SMPD4: variants seen among roughly 807,000 people sequenced by gnomAD.
SMPD4 encodes the protein sphingomyelin phosphodiesterase 4, also known as neutral sphingomyelinase 3.
A neutral mutation model predicts 97.8 loss-of-function variants in SMPD4; 58 were observed. The ratio of observed to expected loss-of-function variants is 0.59; its 90% CI spans 0.48 to 0.74. The LOEUF (loss-of-function observed/expected upper bound fraction) is 0.74. Among genes scored for constraint, SMPD4 ranks in the 30% least tolerant of loss-of-function variants. SMPD4 has a pLI of 0.00. For missense variants in SMPD4, 853 were observed against 1,080.5 expected (o/e 0.79, Z 2.95); for synonymous variants, 388 against 450.0 (o/e 0.86, Z 1.74).
intron 1 of SMPD4, among the ~76,000 whole-genome samples, chr2:130,179,450 T>TC (rs1307045472): frequency 6.6e-6 from 1 of 151,098 alleles, no homozygotes; most frequent in Non-Finnish European, 1.5e-5. Flanking sequence ...TGAGTCTCAC[T>TC]CCATCATCTC....
At chr2:130,159,182 CAG>C (rs1272080513) in intron 11 of SMPD4, among the ~76,000 whole-genome samples, 3 of 152,186 alleles carry the variant, frequency 2.0e-5, no homozygotes, top group East Asian at 3.9e-4. Flanking sequence ...TTTGTAGAGA[CAG>C]GGGTTTCGCC....
chr2:130,157,720 G>T (rs537449742), intron 11 of SMPD4: 1 of 379,904 alleles, frequency 2.6e-6, no homozygotes, highest in Non-Finnish European at 4.9e-6. Flanking sequence ...CTGCAAATCC[G>T]CAGCGGGTGG....
At position 130,152,777 on chromosome 2, in the gene SMPD4, A is replaced by G; in HGVS notation, c.2262T>C (p.Pro754=). 1 of 1,608,486 alleles carries G rather than the reference A, an allele frequency of 6.2e-7. No homozygotes were observed. Among genetic ancestry groups the G allele is most frequent in the Non-Finnish European group, 8.5e-7 (1 of 1,178,164 alleles). The part of the protein sequence containing the change: ...PGLASRHLLS[P]VGRRQVAGHT... ...GGCCGGCCACCTGCCTCCGCCCCAC[A>G]GGGCTCAGCAGGTGCCTGCTGGCCA... is the stretch of plus-strand genomic sequence containing the variant. The change falls in exon 20 of 20, where the codon CCT becomes CCC. Residue 754 remains proline, a synonymous_variant. Transcript: ENST00000680298.
At chr2:130,181,741 G>A, upstream of SMPD4, 1 of 1,548,628 alleles carries the variant, frequency 6.5e-7, no homozygotes, top group Non-Finnish European at 8.7e-7. Flanking sequence ...GAGTGCGGGG[G>A]AGGGAGTGGT....
In SMPD4 at chr2:130,153,075, G is replaced by A. The variant is rs762946445; in HGVS notation, c.2122C>T (p.Leu708Phe). ...TTGATGGCAGACGACAGCCTAAAGA[G>A]TGTGCGGACCAAGCTGGCGATCTCA... is the stretch of plus-strand genomic sequence containing the variant. ...SYEIASLVRT[L>F]FRLSSAINHR... Residue 708 changes from leucine to phenylalanine, a missense_variant, in exon 19 of 20, where the codon CTC (leucine) becomes TTC (phenylalanine). Physicochemically the swap from Leu to Phe is conservative, Grantham distance 22. This residue lies in a region of SMPD4 where 511 missense variants were observed against 608.1 expected (regional missense o/e 0.84). Coordinates refer to ENST00000680298, the MANE Select transcript of SMPD4 (RefSeq NM_017951.5). The A allele has an allele frequency of 3.1e-6, 5 of 1,613,022 alleles. No individual in the cohort carries two copies. Among genetic ancestry groups the A allele is most frequent in the Non-Finnish European group, 4.2e-6 (5 of 1,179,988 alleles).
chr2:130,154,083 A>G, intron 16 of SMPD4, 148 bp from the exon 17 acceptor site: 1 of 1,087,208 alleles, frequency 9.2e-7, no homozygotes, highest in Non-Finnish European at 1.3e-6. Context: ...ATGATCTTCT[A>G]CATTTGAAAT....
intron 5 of SMPD4, among the ~76,000 whole-genome samples, 188 bp from the exon 6 acceptor site, chr2:130,173,083 C>T (rs1215000503): frequency 6.6e-6 from 1 of 152,216 alleles, no homozygotes; most frequent in Non-Finnish European, 1.5e-5. Flanking sequence ...TAGAACTTCT[C>T]CTACCATCAT....
chr2:130,180,551 G>T (rs1477332338), intron 1 of SMPD4, among the ~76,000 whole-genome samples: 2 of 152,222 alleles, frequency 1.3e-5, no homozygotes, highest in East Asian at 3.9e-4. Flanking sequence ...GATTACAGGC[G>T]TGAGTCACCG....
chr2:130,172,905 G>A lies in SMPD4; in HGVS notation c.346-10C>T. The A allele has an allele frequency of 6.2e-7, 1 of 1,604,842 alleles. No individual in the cohort carries two copies. The highest frequency in any genetic ancestry group is 8.5e-7 in the Non-Finnish European group (1 of 1,175,706). On this transcript the variant is annotated splice_polypyrimidine_tract_variant and intron_variant, in intron 5 of 19. Coordinates refer to ENST00000680298, the MANE Select transcript of SMPD4 (RefSeq NM_017951.5). Reference sequence around the variant, plus strand: ...ACGCCTTCACAGGACCCTGCAGAGAGAGGCAGTGAGGCTTGTGGGCAGGTG... The same window carrying A: ...ACGCCTTCACAGGACCCTGCAGAGAAAGGCAGTGAGGCTTGTGGGCAGGTG...
chr2:130,161,068 G>A (rs1042318049), intron 11 of SMPD4, 118 bp downstream of exon 11: 4 of 956,308 alleles, frequency 4.2e-6, no homozygotes, highest in African/African-American at 3.3e-5. Context: ...CGACACAGGG[G>A]CTTCGTTCTG....
rs1055311360 is a variant in SMPD4, at chr2:130,177,675, G to T, written c.-45-1038C>A. Among the ~76,000 whole-genome samples, 39 of 150,364 alleles carry T rather than the reference G, an allele frequency of 2.6e-4. 1 individual carries two copies. The highest frequency in any genetic ancestry group is 4.6e-4 in the Non-Finnish European group (31 of 67,728). ...ACACCACTGCACTCCAGCCTAGAAG[G>T]CTGAGCAAGACTCCATCTCAAAAAA... On this transcript the variant is annotated intron_variant, in intron 1 of 19. Coordinates refer to ENST00000680298, the MANE Select transcript of SMPD4 (RefSeq NM_017951.5).
rs1689308162 is a variant in SMPD4 at position 130,179,650 on chromosome 2, T to A, written c.-46+1880A>T. Among the ~76,000 whole-genome samples the A allele has an allele frequency of 3.3e-5, 5 of 151,884 alleles. No individual in the cohort carries two copies. The South Asian group carries it at 1.0e-3, about 32-fold the overall frequency. ...GATCCGCTGCCTCAGCCTCCCAAAG[T>A]GCCGACTTTTTCAATTCTTTTTTGA... On this transcript the variant is annotated intron_variant, in intron 1 of 19. Transcript: ENST00000680298.
intron 16 of SMPD4, 99 bp from the exon 17 acceptor site, chr2:130,154,034 A>C (rs1165619080): frequency 1.2e-5 from 15 of 1,226,948 alleles, no homozygotes; most frequent in Non-Finnish European, 1.7e-5. Flanking sequence ...GAGCGTCAGG[A>C]GGAGTGGCTT....
At chr2:130,167,378 C>T (rs1240339552) in intron 9 of SMPD4, 80 bp downstream of exon 9, 11 of 1,596,184 alleles carry the variant, frequency 6.9e-6, no homozygotes, top group Non-Finnish European at 9.4e-6. Flanking sequence ...ACCTAGGCCT[C>T]GCAAAGTGCT....
chr2:130,158,494 T>C lies in SMPD4; in HGVS notation c.952-1098A>G, dbSNP rs143202629. On this transcript the variant is annotated intron_variant, in intron 11 of 19. Coordinates refer to ENST00000680298, the MANE Select transcript of SMPD4 (RefSeq NM_017951.5). ...ACCATGCCCAGCTAATTTTTATTTT[T>C]CATAGAGATGGGGTTTCACCATGTT... Among the ~76,000 whole-genome samples the C allele has an allele frequency of 6.2e-3, 941 of 152,232 alleles. 6 individuals carry two copies. The highest frequency in any genetic ancestry group is 0.02 in the African/African-American group (838 of 41,550).
intron 1 of SMPD4, chr2:130,181,290 A>T: frequency 7.2e-7 from 1 of 1,398,470 alleles, no homozygotes; most frequent in Non-Finnish European, 9.3e-7. Flanking sequence ...TTCAGCGAAC[A>T]CCTACCGGAC....
At chr2:130,165,607 C>T (rs1244610344) in intron 9 of SMPD4, among the ~76,000 whole-genome samples, 1 of 152,220 alleles carries the variant, frequency 6.6e-6, no homozygotes, top group African/African-American at 2.4e-5. Flanking sequence ...GCATGCTACT[C>T]ACACACAAAT....
intron 8 of SMPD4, among the ~76,000 whole-genome samples, chr2:130,168,193 C>A (rs1336449940): frequency 6.6e-6 from 1 of 152,156 alleles, no homozygotes; most frequent in Non-Finnish European, 1.5e-5. Flanking sequence ...GGTGACAGAG[C>A]AAGACCCTGT....
rs534442916 is a variant in SMPD4 at position 130,154,365 on chromosome 2, G to A, written c.1571C>T (p.Ala524Val). The change falls in exon 16 of 20, where the codon GCC (alanine) becomes GTC (valine). Residue 524 changes from alanine to valine, a missense_variant. Ala to Val is a moderately conservative substitution (Grantham distance 64). Coordinates refer to ENST00000680298, the MANE Select transcript of SMPD4 (RefSeq NM_017951.5). Reference sequence around the variant, plus strand: ...GACGTGGCTCTTCACCTTGAAGGAGGCATCAGTGACCGCTGGTGGCCAGGG... The same window carrying A: ...GACGTGGCTCTTCACCTTGAAGGAGACATCAGTGACCGCTGGTGGCCAGGG... ...LSPWPPAVTDASFKVKSHVYS... is the reference protein window; with the variant it reads ...LSPWPPAVTDVSFKVKSHVYS... The A allele has an allele frequency of 2.5e-6, 4 of 1,612,046 alleles. No individual in the cohort carries two copies. In the African/African-American group the frequency reaches 4.0e-5, roughly 16 times the overall value.
Sources: allele counts gnomAD v4.1 joint callset (sites outside exome capture counted in the v4.1 genomes callset), GRCh38; gene constraint gnomAD v4.1.1; regional missense constraint gnomAD v4.1.1; transcripts MANE v1.5; gene names NCBI Gene and HGNC (gene_info 2026-07-23, HGNC 2026-07-21).